SEMA3A: variants seen among roughly 807,000 people sequenced by gnomAD.
SEMA3A encodes semaphorin-3A.
SEMA3A carries 29 observed loss-of-function variants against 97.9 expected under a neutral mutation model. The observed-to-expected ratio is 0.30, with a 90% CI of 0.22 to 0.40. SEMA3A has a LOEUF of 0.40. SEMA3A is among the 10% of genes least tolerant of loss of function. SEMA3A has a pLI of 1.00. For synonymous variants in SEMA3A, 321 were observed against 323.7 expected (o/e 0.99, Z 0.09); for missense variants, 763 against 951.3 (o/e 0.80, Z 2.60).
chr7:84,339,251 A>C (rs566163926), intron 2 of SEMA3A, among the ~76,000 whole-genome samples: 1 of 152,282 alleles, frequency 6.6e-6, no homozygotes, highest in South Asian at 2.1e-4. Context: ...TGAATTGGGG[A>C]CTAATAGAGG....
chr7:84,407,336 G>A (rs921257126), intron 1 of SEMA3A, among the ~76,000 whole-genome samples: 1 of 152,080 alleles, frequency 6.6e-6, no homozygotes, highest in African/African-American at 2.4e-5. Flanking sequence ...CAACTTACAA[G>A]GGATATGAAG....
At chr7:84,445,516 A>AAAAAAG (rs1805391070) in intron 1 of SEMA3A, among the ~76,000 whole-genome samples, 2 of 123,692 alleles carry the variant, frequency 1.6e-5, no homozygotes, top group African/African-American at 3.6e-5. Flanking sequence ...AAAAAAAAAA[A>AAAAAAG]AAAAGAAAAG....
chr7:84,477,477 C>A (rs957768629), intron 1 of SEMA3A, among the ~76,000 whole-genome samples: 171 of 136,300 alleles, frequency 1.3e-3, no homozygotes, highest in African/African-American at 3.1e-3. Context: ...TTAAAATATT[C>A]TTTGCATAAA....
At chr7:84,486,612 A>C (rs1055738825) in intron 1 of SEMA3A, among the ~76,000 whole-genome samples, 1 of 152,168 alleles carries the variant, frequency 6.6e-6, no homozygotes, top group Admixed American at 6.5e-5. Flanking sequence ...TATTCACACA[A>C]ATGTTGCATG....
At chr7:83,981,862 G>C (rs2116320480) in intron 13 of SEMA3A, among the ~76,000 whole-genome samples, 1 of 152,156 alleles carries the variant, frequency 6.6e-6, no homozygotes, top group Admixed American at 6.5e-5. Context: ...AGATTGGCCA[G>C]AGGCAGGAAC....
At chr7:84,344,000 T>G (rs1039050576) in intron 2 of SEMA3A, among the ~76,000 whole-genome samples, 2 of 151,784 alleles carry the variant, frequency 1.3e-5, no homozygotes, top group African/African-American at 4.8e-5. Flanking sequence ...TGAGTGACAC[T>G]TTGTTTCGGG....
chr7:84,393,097 T>C (rs1803628528), intron 1 of SEMA3A, among the ~76,000 whole-genome samples: 1 of 152,126 alleles, frequency 6.6e-6, no homozygotes, highest in Non-Finnish European at 1.5e-5. Flanking sequence ...GCTTTGGGGG[T>C]CAAATCTAAA....
chr7:84,443,118 C>T (rs1805311958), intron 1 of SEMA3A, among the ~76,000 whole-genome samples: 1 of 152,054 alleles, frequency 6.6e-6, no homozygotes, highest in Admixed American at 6.6e-5. Context: ...TGAATTAGAT[C>T]TAACAGACTT....
At chr7:84,013,917 C>T (rs1485582331) in intron 7 of SEMA3A, among the ~76,000 whole-genome samples, 1 of 152,096 alleles carries the variant, frequency 6.6e-6, no homozygotes, top group Non-Finnish European at 1.5e-5. Context: ...ACATAAATTA[C>T]CTTCTCCCAG....
intron 5 of SEMA3A, among the ~76,000 whole-genome samples, chr7:84,053,257 T>C (rs1437161589): frequency 9.4e-6 from 1 of 106,478 alleles, no homozygotes; most frequent in Non-Finnish European, 2.3e-5. Flanking sequence ...GTTCAATTCC[T>C]GGGTATCCTT....
chr7:84,002,544 G>A (rs973149612), intron 11 of SEMA3A, among the ~76,000 whole-genome samples: 12 of 152,172 alleles, frequency 7.9e-5, no homozygotes, highest in African/African-American at 2.9e-4. Context: ...ATGTTGTCAA[G>A]CAAGGGAAGT....
intron 15 of SEMA3A, among the ~76,000 whole-genome samples, chr7:83,969,748 TGAGA>T (rs1356644837): frequency 1.3e-5 from 2 of 152,150 alleles, no homozygotes; most frequent in Non-Finnish European, 2.9e-5. Flanking sequence ...AAAATTGACT[TGAGA>T]GAGGGTGGGA....
chr7:84,334,617 C>T (rs1801991624), intron 2 of SEMA3A, among the ~76,000 whole-genome samples: 1 of 151,834 alleles, frequency 6.6e-6, no homozygotes, highest in African/African-American at 2.4e-5. Context: ...CCACCTCTGT[C>T]TTACTTCCCT....
intron 15 of SEMA3A, among the ~76,000 whole-genome samples, chr7:83,971,201 G>C (rs1488145204): frequency 6.6e-6 from 1 of 152,094 alleles, no homozygotes; most frequent in Non-Finnish European, 1.5e-5. Flanking sequence ...GAGGAGGGTG[G>C]ATCACCTGAG....
chr7:84,428,131 A>C (rs773396818), intron 1 of SEMA3A, among the ~76,000 whole-genome samples: 31 of 152,148 alleles, frequency 2.0e-4, no homozygotes, highest in Non-Finnish European at 3.8e-4. Context: ...TGCAAATTAG[A>C]GAACTTTCAT....
At chr7:84,361,662 C>G (rs891857893) in intron 2 of SEMA3A, among the ~76,000 whole-genome samples, 1 of 151,954 alleles carries the variant, frequency 6.6e-6, no homozygotes, top group African/African-American at 2.4e-5. Context: ...TACAATGAAT[C>G]TTATGACATA....
chr7:84,009,919 A>C (rs1453103362), intron 9 of SEMA3A, among the ~76,000 whole-genome samples: 1 of 151,388 alleles, frequency 6.6e-6, no homozygotes, highest in Admixed American at 6.6e-5. Context: ...AAAAAAAAAA[A>C]AAAAAAAAAC....
Position 84,129,155 on chromosome 7 carries a change from C to T in SEMA3A, c.301G>A (p.Asp101Asn). The stretch of plus-strand genomic sequence containing the variant: ...TCTTTTCCAGCCCACTTGCATTCAT[C>T]TCTTCTGGTGTAAGATACTGGCCAC... ...IVWPVSYTRR[D>N]ECKWAGKDIL... Residue 101 changes from aspartate to asparagine, a missense_variant, in exon 3 of 17, where the codon GAT becomes AAT. Around this residue, in one of 2 missense-constraint regions of SEMA3A, gnomAD observed 678 missense variants for 881.3 expected, o/e 0.77. Coordinates refer to ENST00000265362, the MANE Select transcript of SEMA3A (RefSeq NM_006080.3). 8 of 1,613,200 alleles carry T rather than the reference C, an allele frequency of 5.0e-6. No homozygotes were observed. The highest frequency in any genetic ancestry group is 1.7e-5 in the Admixed American group (1 of 59,994).
chr7:84,107,271 A>T (rs3801632), intron 4 of SEMA3A, among the ~76,000 whole-genome samples: 64,448 of 152,006 alleles, frequency 0.42, 14,836 homozygotes, highest in Admixed American at 0.52. Flanking sequence ...GTTTTAAGTA[A>T]AATATAGATG....
Sources: gnomAD v4.1 joint callset for allele counts (sites outside exome capture counted in the v4.1 genomes callset) on GRCh38, gnomAD v4.1.1 for gene constraint, gnomAD v4.1.1 regional missense constraint, MANE v1.5 for transcripts, NCBI Gene and HGNC (gene_info 2026-07-23, HGNC 2026-07-21) for gene names.